Variants in FGF10 observed in about 807,000 individuals in gnomAD.
FGF10 encodes FGF-10.
FGF10 carries 2 observed loss-of-function variants against 19.8 expected under a neutral mutation model. That is an observed-to-expected ratio of 0.10 (90% CI 0.04 to 0.32). The LOEUF is 0.32. FGF10 is among the 10% of genes least tolerant of loss of function. The probability of loss-of-function intolerance (pLI) is 1.00; values close to 1 mark genes in which losing one functional copy is unlikely to be tolerated. For missense variants in FGF10, 191 were observed against 246.3 expected, an observed-to-expected ratio of 0.78 and a Z score of 1.50; for synonymous variants, 112 against 94.0, an observed-to-expected ratio of 1.19 and a Z score of -1.10.
At chr5:44,385,121 A>G (rs1046605454) in intron 1 of FGF10, among the ~76,000 whole-genome samples, 8 of 152,308 alleles carry the variant, frequency 5.3e-5, no homozygotes, top group Non-Finnish European at 1.0e-4. Context: ...GAGCCTACAC[A>G]TATCTAGTGA....
chr5:44,310,471 T>A lies in FGF10; in HGVS notation c.385A>T (p.Asn129Tyr). The part of the protein sequence containing the change: ...GVVAVKAINS[N>Y]YYLAMNKKGK... ...TTCTTGTTCATGGCTAAGTAATAGTTGCTGTTAATGGCTTTGACGGCAACA... is the reference window on the plus strand; with the variant it reads ...TTCTTGTTCATGGCTAAGTAATAGTAGCTGTTAATGGCTTTGACGGCAACA... Residue 129 changes from asparagine to tyrosine, a missense_variant, in exon 2 of 3, where the codon AAC (asparagine) becomes TAC (tyrosine). Asn to Tyr is a moderately radical substitution (Grantham distance 143). This residue lies in a region of FGF10 where 99 missense variants were observed against 161.7 expected (regional missense o/e 0.61). Coordinates refer to ENST00000264664, the MANE Select transcript of FGF10 (RefSeq NM_004465.2). The A allele has an allele frequency of 6.2e-7, 1 of 1,612,756 alleles. No homozygotes were observed. Among genetic ancestry groups the A allele is most frequent in the Non-Finnish European group, 8.5e-7 (1 of 1,179,098 alleles).
intron 1 of FGF10, among the ~76,000 whole-genome samples, chr5:44,371,504 G>C (rs1040358177): frequency 5.9e-5 from 9 of 152,086 alleles, no homozygotes; most frequent in Admixed American, 2.0e-4. Context: ...TCTTTAAATA[G>C]GAAAGGTTCC....
chr5:44,382,210 C>G (rs1243084265), intron 1 of FGF10, among the ~76,000 whole-genome samples: 1 of 152,150 alleles, frequency 6.6e-6, no homozygotes, highest in Non-Finnish European at 1.5e-5. Flanking sequence ...ACATGGGAAT[C>G]TACTCTGAGT....
At position 44,335,294 on chromosome 5, in the gene FGF10, C is replaced by T. The variant is rs551592216; in HGVS notation, c.326-24764G>A. Among the ~76,000 whole-genome samples the T allele has an allele frequency of 7.9e-4, 120 of 152,148 alleles. 2 individuals carry two copies. Among genetic ancestry groups the T allele is most frequent in the African/African-American group, 2.7e-3 (112 of 41,540 alleles). ...AATGACCTACTCTCCCTTCCCTTCC[C>T]TCAAGCATGCCCAAGTAGACTGGAG... On this transcript the variant is annotated intron_variant, in intron 1 of 2. Coordinates refer to ENST00000264664, the MANE Select transcript of FGF10 (RefSeq NM_004465.2).
At chr5:44,347,697 G>A (rs1409055750) in intron 1 of FGF10, among the ~76,000 whole-genome samples, 1 of 151,558 alleles carries the variant, frequency 6.6e-6, no homozygotes, top group Non-Finnish European at 1.5e-5. Flanking sequence ...TGCAATTTTA[G>A]CACAGAGCAA....
At chr5:44,364,623 G>C (rs993872040) in intron 1 of FGF10, among the ~76,000 whole-genome samples, 1 of 151,840 alleles carries the variant, frequency 6.6e-6, no homozygotes, top group African/African-American at 2.4e-5. Flanking sequence ...TTACTGATTA[G>C]AAATCAAAGA....
intron 1 of FGF10, among the ~76,000 whole-genome samples, chr5:44,330,524 G>C (rs994840610): frequency 6.6e-6 from 1 of 152,136 alleles, no homozygotes; most frequent in Non-Finnish European, 1.5e-5. Context: ...AAGCATATTT[G>C]AGATATAAAC....
chr5:44,315,182 CA>C (rs34267996), intron 1 of FGF10, among the ~76,000 whole-genome samples: 83,055 of 126,350 alleles, frequency 0.66, 27,772 homozygotes, highest in Non-Finnish European at 0.79. Context: ...AATGACAATA[CA>C]AAAAAAAAAA....
intron 1 of FGF10, among the ~76,000 whole-genome samples, chr5:44,376,490 CAAAAAAAAAAAA>C (rs764913349): frequency 0.14 from 4,796 of 34,846 alleles, 251 homozygotes; most frequent in African/African-American, 0.31. Flanking sequence ...ATACAAATGC[CAAAAAAAAAAAA>C]AAAAAAAAAA....
chr5:44,305,370 A>T (rs576867799), intron 2 of FGF10, among the ~76,000 whole-genome samples, 178 bp from the exon 3 acceptor site: 3 of 152,176 alleles, frequency 2.0e-5, no homozygotes, highest in Non-Finnish European at 2.9e-5. Flanking sequence ...ACCACAAAAC[A>T]CATTCTGTTT....
At chr5:44,366,932 C>T (rs192667583) in intron 1 of FGF10, among the ~76,000 whole-genome samples, 1 of 152,070 alleles carries the variant, frequency 6.6e-6, no homozygotes, top group Admixed American at 6.6e-5. Flanking sequence ...TAAATGTCAG[C>T]AACCCTAAGT....
chr5:44,346,038 G>A (rs1561208961), intron 1 of FGF10, among the ~76,000 whole-genome samples: 1 of 151,594 alleles, frequency 6.6e-6, no homozygotes, highest in South Asian at 2.1e-4. Flanking sequence ...ATCACTTAAC[G>A]GCTGCCCTTG....
chr5:44,387,300 C>A, intron 1 of FGF10, among the ~76,000 whole-genome samples: 1 of 152,026 alleles, frequency 6.6e-6, no homozygotes, highest in Admixed American at 6.5e-5. Flanking sequence ...CTTCCCCCAA[C>A]CAGCCCACAC....
intron 1 of FGF10, among the ~76,000 whole-genome samples, chr5:44,380,575 G>T (rs1242817258): frequency 2.0e-5 from 3 of 152,100 alleles, no homozygotes; most frequent in African/African-American, 2.4e-5. Flanking sequence ...ATTTGACAGG[G>T]GTACACAGAG....
chr5:44,349,443 T>G (rs1270310563), intron 1 of FGF10, among the ~76,000 whole-genome samples: 186 of 12,462 alleles, frequency 0.015, 21 homozygotes, highest in African/African-American at 0.04. Context: ...TATATATATA[T>G]ATATATATAT....
Position 44,388,979 on chromosome 5 carries a change from C to A in FGF10, c.-297G>T. ...TGGTGGCGTTGGTGGTGTTGGTCAC[C>A]AGCGCTCTTCGCTCCCCCAGGAGTT... On this transcript the variant is annotated 5_prime_UTR_variant, in exon 1 of 3. Coordinates refer to ENST00000264664, the MANE Select transcript of FGF10 (RefSeq NM_004465.2). 1.9e-6 allele frequency: 1 copy of A among 532,248 alleles called. No homozygotes were observed. The highest frequency in any genetic ancestry group is 3.4e-6 in the Non-Finnish European group (1 of 293,570). The allele number at this position is 532,248 out of a possible 1,614,324, so 33.0% of individuals were successfully genotyped here.
At position 44,326,550 on chromosome 5, in the gene FGF10, C is replaced by A. The variant is rs1249038528; in HGVS notation, c.326-16020G>T. Reference sequence around the variant, plus strand: ...AGTAGCTGGGACTACAGGCACAAACCACCATGCCCAGCTAATTTTTTTTTT... The same window carrying A: ...AGTAGCTGGGACTACAGGCACAAACAACCATGCCCAGCTAATTTTTTTTTT... On this transcript the variant is annotated intron_variant, in intron 1 of 2. Coordinates refer to ENST00000264664, the MANE Select transcript of FGF10 (RefSeq NM_004465.2). Among the ~76,000 whole-genome samples, 4 of 151,900 alleles carry A rather than the reference C, an allele frequency of 2.6e-5. No individual in the cohort carries two copies. In the East Asian group the frequency reaches 7.7e-4, roughly 29 times the overall value.
intron 1 of FGF10, among the ~76,000 whole-genome samples, chr5:44,369,404 T>C (rs534865893): frequency 1.3e-5 from 2 of 152,226 alleles, no homozygotes; most frequent in Admixed American, 1.3e-4. Context: ...AAGTGATCAC[T>C]TTGAGGGCTA....
Position 44,309,683 on chromosome 5 carries a change from C to T in FGF10, c.429+744G>A, listed in dbSNP as rs114020989. 8.2e-3 allele frequency among the ~76,000 whole-genome samples: 1,253 copies of T among 152,012 alleles called. 16 individuals carry two copies. Among genetic ancestry groups the T allele is most frequent in the African/African-American group, 0.029 (1,213 of 41,436 alleles). On this transcript the variant is annotated intron_variant, in intron 2 of 2. Coordinates refer to ENST00000264664, the MANE Select transcript of FGF10 (RefSeq NM_004465.2). ...TGTAATTTAATTATTATTACAATTG[C>T]AATTATAAAACAACTATTTGGCATT...
Sources: allele counts gnomAD v4.1 joint callset (sites outside exome capture counted in the v4.1 genomes callset), GRCh38; gene constraint gnomAD v4.1.1; regional missense constraint gnomAD v4.1.1; transcripts MANE v1.5; gene names NCBI Gene and HGNC (gene_info 2026-07-23, HGNC 2026-07-21).